The following ELOVL6 variants were observed in gnomAD, a reference collection of about 807,000 sequenced individuals.
ELOVL6 encodes the protein very long chain fatty acid elongase 6.
In ELOVL6, 8 loss-of-function variants were observed where a neutral mutation model predicts 31.7. The ratio of observed to expected loss-of-function variants is 0.25; its 90% confidence interval spans 0.15 to 0.45. The LOEUF (loss-of-function observed/expected upper bound fraction) is 0.45, where lower values mean the gene tolerates loss of function less well. Among genes scored for constraint, ELOVL6 ranks in the 20% least tolerant of loss-of-function variants. ELOVL6 has a pLI of 1.00. For synonymous variants in ELOVL6, 101 were observed against 117.7 expected, an observed-to-expected ratio of 0.86 and a Z score of 0.92; for missense variants, 126 against 326.4, an observed-to-expected ratio of 0.39 and a Z score of 4.73.
intron 2 of ELOVL6, among the ~76,000 whole-genome samples, chr4:110,096,723 G>A (rs564847047): frequency 1.3e-4 from 20 of 152,222 alleles, no homozygotes; most frequent in African/African-American, 4.8e-4. Context: ...CGGGATTTGT[G>A]TGTATATATA....
chr4:110,158,658 T>TATATATATATATATA (rs35622604), intron 1 of ELOVL6, among the ~76,000 whole-genome samples: 83 of 59,540 alleles, frequency 1.4e-3, no homozygotes, highest in African/African-American at 7.0e-3. Flanking sequence ...TATATATATA[T>TATATATATATATATA]TTTTTTTTTT....
intron 2 of ELOVL6, among the ~76,000 whole-genome samples, chr4:110,100,236 CAGA>C (rs1277610509): frequency 1.3e-5 from 2 of 152,044 alleles, no homozygotes; most frequent in Non-Finnish European, 2.9e-5. Context: ...CAGGGAAACC[CAGA>C]GAAATCTTCC....
intron 2 of ELOVL6, among the ~76,000 whole-genome samples, chr4:110,103,529 A>G (rs557026723): frequency 6.6e-6 from 1 of 152,346 alleles, no homozygotes; most frequent in East Asian, 1.9e-4. Context: ...TAATAACTGT[A>G]TATACTTCAA....
At chr4:110,142,954 G>A (rs570308745) in intron 1 of ELOVL6, among the ~76,000 whole-genome samples, 3 of 152,090 alleles carry the variant, frequency 2.0e-5, no homozygotes, top group Non-Finnish European at 4.4e-5. Context: ...CCCCTCTCCC[G>A]TCCCTCAGCA....
chr4:110,137,903 A>T, intron 1 of ELOVL6, among the ~76,000 whole-genome samples: 1 of 152,240 alleles, frequency 6.6e-6, no homozygotes, highest in East Asian at 1.9e-4. Context: ...TGTAGCACCT[A>T]CATCATTCTT....
At chr4:110,163,311 A>G (rs1244829235) in intron 1 of ELOVL6, among the ~76,000 whole-genome samples, 1 of 152,202 alleles carries the variant, frequency 6.6e-6, no homozygotes, top group Non-Finnish European at 1.5e-5. Flanking sequence ...CCCCCTAGCT[A>G]AAACAGCTCC....
chr4:110,142,008 GT>G (rs1272378700), intron 1 of ELOVL6, among the ~76,000 whole-genome samples: 2 of 146,998 alleles, frequency 1.4e-5, no homozygotes, highest in Non-Finnish European at 3.0e-5. Context: ...AATATCATTT[GT>G]TTCTGGGATC....
At chr4:110,127,122 A>T (rs1221186753) in intron 1 of ELOVL6, among the ~76,000 whole-genome samples, 4 of 152,048 alleles carry the variant, frequency 2.6e-5, no homozygotes, top group Non-Finnish European at 5.9e-5. Flanking sequence ...CTCTAAGAAA[A>T]GCCTGGCCAG....
intron 2 of ELOVL6, among the ~76,000 whole-genome samples, chr4:110,078,662 T>A (rs1416003941): frequency 6.6e-6 from 1 of 152,196 alleles, no homozygotes; most frequent in African/African-American, 2.4e-5. Context: ...CCATTGAGGC[T>A]AGGAAGAAAC....
At chr4:110,118,711 C>G (rs903355860) in intron 1 of ELOVL6, among the ~76,000 whole-genome samples, 4 of 152,152 alleles carry the variant, frequency 2.6e-5, no homozygotes, top group Non-Finnish European at 5.9e-5. Context: ...CATGGGGATA[C>G]TCCCATATTC....
At chr4:110,195,937 A>C (rs1029163449) in intron 1 of ELOVL6, among the ~76,000 whole-genome samples, 6 of 152,216 alleles carry the variant, frequency 3.9e-5, no homozygotes, top group African/African-American at 1.2e-4. Flanking sequence ...TGCCAGAAGA[A>C]AGGTACAGAT....
chr4:110,167,652 G>GC, intron 1 of ELOVL6, among the ~76,000 whole-genome samples: 1 of 144,372 alleles, frequency 6.9e-6, no homozygotes, highest in Non-Finnish European at 1.5e-5. Context: ...CACCACCTCA[G>GC]TTATGTATGT....
intron 1 of ELOVL6, among the ~76,000 whole-genome samples, chr4:110,137,193 T>C (rs1757835256): frequency 6.6e-6 from 1 of 152,148 alleles, no homozygotes; most frequent in African/African-American, 2.4e-5. Flanking sequence ...AAAAGGAAAT[T>C]TTAGTTCCTT....
At chr4:110,163,611 G>A (rs1234681217) in intron 1 of ELOVL6, among the ~76,000 whole-genome samples, 2 of 152,190 alleles carry the variant, frequency 1.3e-5, no homozygotes, top group African/African-American at 4.8e-5. Flanking sequence ...TAAAATGCTA[G>A]AAGGGTGATA....
intron 2 of ELOVL6, among the ~76,000 whole-genome samples, chr4:110,083,969 T>C (rs910601226): frequency 2.7e-5 from 3 of 111,610 alleles, no homozygotes; most frequent in Non-Finnish European, 4.1e-5. Context: ...ATATATATGA[T>C]ATAACATATG....
intron 1 of ELOVL6, among the ~76,000 whole-genome samples, chr4:110,158,196 A>G (rs1758509541): frequency 6.6e-6 from 1 of 152,170 alleles, no homozygotes; most frequent in Admixed American, 6.5e-5. Flanking sequence ...ATTCTGCTTT[A>G]TATTATGAAA....
At position 110,157,483 on chromosome 4, in the gene ELOVL6, C is replaced by T. The variant is rs184948574; in HGVS notation, c.89+40764G>A. 2.9e-3 allele frequency among the ~76,000 whole-genome samples: 436 copies of T among 152,090 alleles called. 2 individuals are homozygous for T. The highest frequency in any genetic ancestry group is 0.014 in the Middle Eastern group (4 of 294). ...GTCAGGAGTTCAAGACCAGCCTGGC[C>T]AAGATAGTGAAACCCCGTCTCTACT... is the stretch of plus-strand genomic sequence containing the variant. On this transcript the variant is annotated intron_variant, in intron 1 of 3. Transcript: ENST00000302274.
intron 2 of ELOVL6, among the ~76,000 whole-genome samples, chr4:110,097,445 G>A (rs1756616640): frequency 1.3e-5 from 2 of 152,082 alleles, no homozygotes; most frequent in African/African-American, 4.8e-5. Context: ...TAAGTAAATG[G>A]AAGGATTATT....
intron 1 of ELOVL6, among the ~76,000 whole-genome samples, chr4:110,127,570 G>C (rs1757544569): frequency 1.4e-5 from 1 of 73,682 alleles, no homozygotes; most frequent in Non-Finnish European, 2.7e-5. Flanking sequence ...TTCTTCATAA[G>C]TTATGAGTTA....
Sources: gnomAD v4.1 joint callset for allele counts (sites outside exome capture counted in the v4.1 genomes callset) on GRCh38, gnomAD v4.1.1 for gene constraint, MANE v1.5 for transcripts, NCBI Gene and HGNC (gene_info 2026-07-23, HGNC 2026-07-21) for gene names.